The following ZMYND8 variants were observed in gnomAD, a reference collection of about 807,000 sequenced individuals.
ZMYND8 encodes MYND-type zinc finger-containing chromatin reader ZMYND8.
In ZMYND8, 37 loss-of-function variants were observed where a neutral mutation model predicts 140.8. That is an observed-to-expected ratio of 0.26 (90% CI 0.20 to 0.35). The LOEUF (loss-of-function observed/expected upper bound fraction) is 0.35. ZMYND8 is among the 10% of genes least tolerant of loss of function. ZMYND8 has a pLI of 1.00. For missense variants in ZMYND8, 1,068 were observed against 1,570.0 expected (o/e 0.68, Z 5.40); for synonymous variants, 592 against 597.1 (o/e 0.99, Z 0.12).
At chr20:47,325,845 A>G (rs568302853) in intron 2 of ZMYND8, among the ~76,000 whole-genome samples, 1 of 152,022 alleles carries the variant, frequency 6.6e-6, no homozygotes, top group Admixed American at 6.5e-5. Context: ...CTGGAGTGCA[A>G]TGGCACAATC....
chr20:47,229,185 T>TA (rs1180633577), intron 17 of ZMYND8, among the ~76,000 whole-genome samples: 1 of 151,332 alleles, frequency 6.6e-6, no homozygotes. Context: ...GGTTTCACTA[T>TA]GTTGTGCAGG....
chr20:47,340,767 A>T (rs1458382567), intron 2 of ZMYND8, among the ~76,000 whole-genome samples: 6 of 152,080 alleles, frequency 3.9e-5, no homozygotes. Context: ...AGCCTGGGCA[A>T]CAGAGCAAGA....
intron 18 of ZMYND8, among the ~76,000 whole-genome samples, chr20:47,225,477 C>G (rs1055393468): frequency 2.1e-5 from 3 of 144,940 alleles, no homozygotes; most frequent in African/African-American, 7.7e-5. Context: ...TGCTTGAACC[C>G]AGGAGGCAGA....
At chr20:47,336,338 TG>T in intron 2 of ZMYND8, among the ~76,000 whole-genome samples, 1 of 152,344 alleles carries the variant, frequency 6.6e-6, no homozygotes, top group South Asian at 2.1e-4. Context: ...TTTAATATCC[TG>T]GGCTTCCGCT....
At chr20:47,260,372 G>A (rs2075062953) in intron 12 of ZMYND8, among the ~76,000 whole-genome samples, 1 of 152,076 alleles carries the variant, frequency 6.6e-6, no homozygotes, top group Admixed American at 6.6e-5. Flanking sequence ...CAGGGTCTAC[G>A]AGGCCCCCGT....
At position 47,282,211 on chromosome 20, in the gene ZMYND8, G is replaced by T; in HGVS notation, c.889C>A (p.Pro297Thr). ...DNWFCEPCSN[P>T]HPLVWAKLKG... ...AGTTTGGCCCAGACCAAAGGATGTGGATTGCTCTAGGAAAAGAAAAACAAG... is the reference window on the plus strand; with the variant it reads ...AGTTTGGCCCAGACCAAAGGATGTGTATTGCTCTAGGAAAAGAAAAACAAG... The change falls in exon 10 of 23, where the codon CCA (proline) becomes ACA (threonine). Residue 297 changes from proline (P) to threonine (T), a missense_variant. This residue lies in a region of ZMYND8 where 109 missense variants were observed against 314.9 expected (regional missense o/e 0.35). Transcript: ENST00000471951. 2 of 1,613,702 alleles carry T rather than the reference G, an allele frequency of 1.2e-6. No homozygotes were observed. Among genetic ancestry groups the T allele is most frequent in the Non-Finnish European group, 1.7e-6 (2 of 1,179,860 alleles).
At chr20:47,217,291 A>T (rs188155906) in intron 21 of ZMYND8, among the ~76,000 whole-genome samples, 4 of 152,208 alleles carry the variant, frequency 2.6e-5, no homozygotes, top group Non-Finnish European at 5.9e-5. Context: ...GAGTTACAAC[A>T]ATTTTATAGG....
At position 47,249,458 on chromosome 20, in the gene ZMYND8, C is replaced by T; in HGVS notation, c.1622-19G>A. 1.2e-6 allele frequency: 2 copies of T among 1,610,358 alleles called. No individual in the cohort carries two copies. The highest frequency in any genetic ancestry group is 1.7e-6 in the Non-Finnish European group (2 of 1,176,746). On this transcript the variant is annotated intron_variant, in intron 12 of 22. Coordinates refer to ENST00000471951, the MANE Select transcript of ZMYND8 (RefSeq NM_001281775.3). ...CTTCGATCTGAAAGAAACCATCACA[C>T]CCTCGTAAGATCAGGCACACACCAT...
At chr20:47,281,181 T>C (rs547264929) in intron 10 of ZMYND8, among the ~76,000 whole-genome samples, 1 of 152,328 alleles carries the variant, frequency 6.6e-6, no homozygotes, top group East Asian at 1.9e-4. Context: ...ATCTCAATAA[T>C]TTCCATTTTG....
chr20:47,352,868 A>T (rs937407053), intron 1 of ZMYND8: 4 of 152,290 alleles, frequency 2.6e-5, no homozygotes, highest in African/African-American at 7.2e-5. Context: ...CCATAACCTT[A>T]GCAACCTGAA....
intron 11 of ZMYND8, among the ~76,000 whole-genome samples, chr20:47,270,148 G>T (rs902667427): frequency 2.0e-5 from 3 of 151,684 alleles, no homozygotes; most frequent in Non-Finnish European, 2.9e-5. Context: ...GAGGCAGCGG[G>T]GACTGCTTGA....
At chr20:47,258,472 T>C (rs1273069575) in intron 12 of ZMYND8, among the ~76,000 whole-genome samples, 4 of 152,230 alleles carry the variant, frequency 2.6e-5, no homozygotes, top group African/African-American at 7.2e-5. Flanking sequence ...AACACCTGCA[T>C]AGATTCCTGT....
intron 2 of ZMYND8, among the ~76,000 whole-genome samples, chr20:47,325,279 T>C (rs565741934): frequency 6.6e-6 from 1 of 152,222 alleles, no homozygotes; most frequent in East Asian, 1.9e-4. Flanking sequence ...CCCTCCAGAG[T>C]GTGAGCTCAA....
chr20:47,299,953 A>G (rs1041932935), intron 3 of ZMYND8, among the ~76,000 whole-genome samples: 2 of 152,210 alleles, frequency 1.3e-5, no homozygotes, highest in East Asian at 1.9e-4. Context: ...TCCTAAAGCC[A>G]TAATTCTTGA....
intron 21 of ZMYND8, among the ~76,000 whole-genome samples, chr20:47,217,522 T>G (rs2036299226): frequency 6.6e-6 from 1 of 152,150 alleles, no homozygotes; most frequent in Non-Finnish European, 1.5e-5. Flanking sequence ...TAATGCCAAG[T>G]TCGTATCCTT....
At chr20:47,291,763 C>A in intron 6 of ZMYND8, 33 bp downstream of exon 6, 1 of 1,582,946 alleles carries the variant, frequency 6.3e-7, no homozygotes, top group Non-Finnish European at 8.6e-7. Flanking sequence ...CAACTGTGGG[C>A]TAGAATGGTG....
chr20:47,294,707 A>G lies in ZMYND8; in HGVS notation c.526T>C (p.Tyr176His). Reference sequence around the variant, plus strand: ...TTCTGAATGGCAAACTTGAGCAGGTAGGATAACTGTTCAATGGTGAGCATT... The same window carrying G: ...TTCTGAATGGCAAACTTGAGCAGGTGGGATAACTGTTCAATGGTGAGCATT... Reference protein sequence around the residue: ...MTMLTIEQLSYLLKFAIQKMK... With the variant: ...MTMLTIEQLSHLLKFAIQKMK... The change falls in exon 5 of 23, where the codon TAC (tyrosine) becomes CAC (histidine). Residue 176 changes from tyrosine (Y) to histidine (H), a missense_variant. Tyr to His is a moderately conservative substitution (Grantham distance 83). Transcript: ENST00000471951. 1.2e-6 allele frequency: 2 copies of G among 1,614,198 alleles called. No individual in the cohort carries two copies. The highest frequency in any genetic ancestry group is 1.7e-6 in the Non-Finnish European group (2 of 1,180,022).
In ZMYND8 at chr20:47,210,711, G is replaced by C; in HGVS notation, c.*50C>G. The C allele has an allele frequency of 6.2e-7, 1 of 1,613,670 alleles. No homozygotes were observed. Among genetic ancestry groups the C allele is most frequent in the East Asian group, 2.2e-5 (1 of 44,858 alleles). On this transcript the variant is annotated 3_prime_UTR_variant, in exon 23 of 23. Transcript: ENST00000471951. ...CTTTGTTGTTTCTTCTTTTCCTGGC[G>C]TCTGGGTTTTTCTCCCAATGGGGTG... is the stretch of plus-strand genomic sequence containing the variant.
At chr20:47,317,920 T>A (rs1369139875) in intron 2 of ZMYND8, among the ~76,000 whole-genome samples, 1 of 152,162 alleles carries the variant, frequency 6.6e-6, no homozygotes, top group African/African-American at 2.4e-5. Flanking sequence ...AAGAAGTCAA[T>A]GAGTTAATTC....
Sources: gnomAD v4.1 joint callset for allele counts (sites outside exome capture counted in the v4.1 genomes callset) on GRCh38, gnomAD v4.1.1 for gene constraint, gnomAD v4.1.1 regional missense constraint, MANE v1.5 for transcripts, NCBI Gene and HGNC (gene_info 2026-07-23, HGNC 2026-07-21) for gene names.